The following CHL1 variants were observed in gnomAD, a reference collection of about 807,000 sequenced individuals.
The protein encoded by CHL1 is neural cell adhesion molecule L1-like protein.
CHL1 carries 96 observed loss-of-function variants against 141.9 expected under a neutral mutation model. That is an observed-to-expected ratio of 0.68 (90% CI 0.57 to 0.80). The LOEUF (loss-of-function observed/expected upper bound fraction) is 0.80. CHL1 is among the 30% of genes least tolerant of loss of function. The pLI is 0.00. For synonymous variants in CHL1, 613 were observed against 502.2 expected, an observed-to-expected ratio of 1.22 and a Z score of -2.95; for missense variants, 1,820 against 1,457.2, an observed-to-expected ratio of 1.25 and a Z score of -4.05.
At chr3:283,047 C>T (rs1696805925) in intron 2 of CHL1, among the ~76,000 whole-genome samples, 1 of 152,158 alleles carries the variant, frequency 6.6e-6, no homozygotes, top group South Asian at 2.1e-4. Flanking sequence ...AGTTTTCTGC[C>T]TAATCACATG....
chr3:388,608 AG>A (rs2125432674), intron 19 of CHL1, among the ~76,000 whole-genome samples: 1 of 152,220 alleles, frequency 6.6e-6, no homozygotes, highest in East Asian at 1.9e-4. Flanking sequence ...ATTTCTATGG[AG>A]AAAAATAAAG....
intron 15 of CHL1, 122 bp downstream of exon 15, chr3:366,237 G>T: frequency 1.2e-6 from 1 of 839,190 alleles, no homozygotes; most frequent in Admixed American, 2.6e-5. Flanking sequence ...TTGGGAGACC[G>T]AGGCGAGTGG....
Position 363,277 on chromosome 3 carries a change from C to T in CHL1, c.1479C>T (p.Gly493=). 3 of 1,613,552 alleles carry T rather than the reference C, an allele frequency of 1.9e-6. No homozygotes were observed. The South Asian group carries it at 3.3e-5, about 18-fold the overall frequency. ...EGRRYHIYEN[G]TLQINRTTEE... is the part of the protein sequence containing the mutation. ...GGCGGTATCATATCTATGAAAATGG[C>T]ACATTGCAGATCAACAGAACCACCG... Residue 493 remains glycine (G), a synonymous_variant, in exon 14 of 28, where the codon GGC becomes GGT. Transcript: ENST00000256509.
intron 27 of CHL1, among the ~76,000 whole-genome samples, chr3:403,211 A>C (rs1160680742): frequency 6.6e-6 from 1 of 152,176 alleles, no homozygotes; most frequent in East Asian, 1.9e-4. Context: ...GGCCATTCAC[A>C]ACATGGCAGC....
At chr3:260,368 T>C (rs1005442208) in intron 2 of CHL1, among the ~76,000 whole-genome samples, 15 of 152,244 alleles carry the variant, frequency 9.9e-5, no homozygotes, top group Non-Finnish European at 1.6e-4. Context: ...AATATAATTA[T>C]GCTGACTGTA....
At chr3:392,261 G>T (rs1242492354) in intron 23 of CHL1, among the ~76,000 whole-genome samples, 1 of 152,218 alleles carries the variant, frequency 6.6e-6, no homozygotes, top group Non-Finnish European at 1.5e-5. Flanking sequence ...ATGTGATGGA[G>T]ATTCAAAGCA....
At chr3:403,457 G>T (rs1308987024) in intron 27 of CHL1, among the ~76,000 whole-genome samples, 1 of 152,158 alleles carries the variant, frequency 6.6e-6, no homozygotes, top group Non-Finnish European at 1.5e-5. Flanking sequence ...TGAGGCAGGA[G>T]AATTTCTTGA....
intron 2 of CHL1, among the ~76,000 whole-genome samples, chr3:282,083 G>A (rs148882221): frequency 6.6e-6 from 1 of 151,832 alleles, no homozygotes; most frequent in Non-Finnish European, 1.5e-5. Flanking sequence ...TATCTGCCTT[G>A]TTTTTCATTA....
intron 16 of CHL1, among the ~76,000 whole-genome samples, chr3:380,857 ATTTAT>A (rs1706942383): frequency 6.6e-6 from 1 of 152,304 alleles, no homozygotes; most frequent in Admixed American, 6.5e-5. Flanking sequence ...TTTTTCACTG[ATTTAT>A]TTAGTTATAA....
intron 10 of CHL1, among the ~76,000 whole-genome samples, chr3:351,061 G>T (rs567107111): frequency 6.6e-6 from 1 of 152,188 alleles, no homozygotes; most frequent in East Asian, 1.9e-4. Flanking sequence ...CCAAGTTGCT[G>T]ACTATTAGAA....
At chr3:227,235 C>G (rs1377157263) in intron 1 of CHL1, among the ~76,000 whole-genome samples, 4 of 152,098 alleles carry the variant, frequency 2.6e-5, no homozygotes, top group Non-Finnish European at 1.5e-5. Context: ...TTCTGTTGAA[C>G]TATTTTATAG....
At chr3:209,604 G>A (rs745736583) in intron 1 of CHL1, among the ~76,000 whole-genome samples, 15 of 152,066 alleles carry the variant, frequency 9.9e-5, no homozygotes, top group South Asian at 2.1e-4. Context: ...TAGGGTACAT[G>A]TGCACAACGT....
Position 377,827 on chromosome 3 carries a change from T to C in CHL1, c.1761T>C (p.Ile587=). Reference sequence around the variant, plus strand: ...ACTTTTTTTCTGATAGGATAATTATTGATGGAGCTAATTTGACCATATCTA... The same window carrying C: ...ACTTTTTTTCTGATAGGATAATTATCGATGGAGCTAATTTGACCATATCTA... ...INGTEDGRII[I]DGANLTISNV... The change falls in exon 16 of 28, where the codon ATT becomes ATC. Residue 587 remains isoleucine, a synonymous_variant. Transcript: ENST00000256509. 6.2e-7 allele frequency: 1 copy of C among 1,605,718 alleles called. No individual in the cohort carries two copies. Among genetic ancestry groups the C allele is most frequent in the South Asian group, 1.1e-5 (1 of 89,864 alleles).
At chr3:244,415 C>T (rs776585922) in intron 1 of CHL1, among the ~76,000 whole-genome samples, 198 bp from the exon 2 acceptor site, 10 of 152,054 alleles carry the variant, frequency 6.6e-5, no homozygotes, top group South Asian at 2.1e-4. Context: ...TCCTTTTGTT[C>T]CTTGACAGAA....
intron 2 of CHL1, among the ~76,000 whole-genome samples, chr3:306,295 G>A (rs1441456622): frequency 1.3e-5 from 2 of 152,118 alleles, no homozygotes; most frequent in Non-Finnish European, 2.9e-5. Context: ...ATCATACTTT[G>A]TATCTTATGG....
At chr3:250,765 T>C (rs1693615491) in intron 2 of CHL1, among the ~76,000 whole-genome samples, 1 of 152,180 alleles carries the variant, frequency 6.6e-6, no homozygotes, top group Non-Finnish European at 1.5e-5. Context: ...TTATGCTTTG[T>C]ATATTTTATG....
intron 13 of CHL1, among the ~76,000 whole-genome samples, 197 bp from the exon 14 acceptor site, chr3:363,020 T>C (rs1704436816): frequency 6.6e-6 from 1 of 152,208 alleles, no homozygotes; most frequent in South Asian, 2.1e-4. Context: ...GGATTTTCTA[T>C]AGCCACAGTC....
Position 408,559 on chromosome 3 carries a change from C to G in CHL1, c.*2848C>G, listed in dbSNP as rs1164151603. 1.3e-5 allele frequency: 2 copies of G among 152,128 alleles called. No homozygotes were observed. The highest frequency in any genetic ancestry group is 2.9e-5 in the Non-Finnish European group (2 of 68,020). The allele number at this position is 152,128 out of a possible 1,614,324, so 9.4% of individuals were successfully genotyped here. A position where few individuals can be genotyped will look rare whatever the true frequency, so the allele number is the denominator to read the frequency against. On this transcript the variant is annotated 3_prime_UTR_variant, in exon 28 of 28. Coordinates refer to ENST00000256509, the MANE Select transcript of CHL1 (RefSeq NM_006614.4). Reference sequence around the variant, plus strand: ...AAAATGATAAAAGCTAAGATGCCTTCTAACTTCATAAGCAAACCTTTAACT... The same window carrying G: ...AAAATGATAAAAGCTAAGATGCCTTGTAACTTCATAAGCAAACCTTTAACT...
At chr3:306,171 T>G (rs1039278875) in intron 2 of CHL1, among the ~76,000 whole-genome samples, 1 of 152,170 alleles carries the variant, frequency 6.6e-6, no homozygotes. Context: ...ATTCTTCTCA[T>G]ACAAGCACAG....
Sources: gnomAD v4.1 joint callset for allele counts (sites outside exome capture counted in the v4.1 genomes callset) on GRCh38, gnomAD v4.1.1 for gene constraint, MANE v1.5 for transcripts, NCBI Gene and HGNC (gene_info 2026-07-23, HGNC 2026-07-21) for gene names.